The following DPP10 variants were observed in gnomAD, a reference collection of about 807,000 sequenced individuals.
DPP10 encodes dipeptidyl peptidase like 10, also known as inactive dipeptidyl peptidase 10.
In DPP10, 33 loss-of-function variants were observed where a neutral mutation model predicts 120.9. That is an observed-to-expected ratio of 0.27 (90% CI 0.21 to 0.37). The LOEUF (loss-of-function observed/expected upper bound fraction) is 0.37. DPP10 is among the 10% of genes least tolerant of loss of function. The pLI, the probability that DPP10 is intolerant of heterozygous loss-of-function variation, is 1.00. For synonymous variants in DPP10, 337 were observed against 326.1 expected (o/e 1.03, Z -0.36); for missense variants, 816 against 942.8 (o/e 0.87, Z 1.76).
rs562274519 is a variant in DPP10, at chr2:114,800,992, G to A, written c.60+358154G>A. On this transcript the variant is annotated intron_variant, in intron 1 of 25. Transcript: ENST00000410059. ...AGGTACAGAAGAATGGGCCGGGCAC[G>A]GTGGCTCACGCCTGTAATCCCAGCA... is the stretch of plus-strand genomic sequence containing the variant. Among the ~76,000 whole-genome samples the A allele has an allele frequency of 7.9e-5, 12 of 151,810 alleles. No individual in the cohort carries two copies. The South Asian group carries it at 8.3e-4, about 11-fold the overall frequency.
At chr2:115,334,230 G>GTTTTTTTCTTTTTTTTTTTTTTTTTTT (rs2062969707) in intron 2 of DPP10, among the ~76,000 whole-genome samples, 1 of 56,412 alleles carries the variant, frequency 1.8e-5, no homozygotes, top group Non-Finnish European at 4.0e-5. Context: ...AGCAGACTCT[G>GTTTTTTTCTTTTTTTTTTTTTTTTTTT]TTTTTTTTTT....
chr2:114,639,805 A>T (rs1317702184), intron 1 of DPP10, among the ~76,000 whole-genome samples: 1 of 151,908 alleles, frequency 6.6e-6, no homozygotes, highest in East Asian at 1.9e-4. Flanking sequence ...CTTAACATAG[A>T]TTGTTTTCTT....
intron 1 of DPP10, among the ~76,000 whole-genome samples, chr2:114,603,435 C>T (rs1012012509): frequency 3.3e-5 from 5 of 151,992 alleles, no homozygotes; most frequent in Non-Finnish European, 5.9e-5. Context: ...TAAACCATAA[C>T]GTCGGGATTA....
At chr2:115,294,007 C>T (rs1276749884) in intron 1 of DPP10, among the ~76,000 whole-genome samples, 1 of 152,112 alleles carries the variant, frequency 6.6e-6, no homozygotes, top group African/African-American at 2.4e-5. Context: ...AAGGAATCCA[C>T]TCAGTCTGTT....
intron 1 of DPP10, among the ~76,000 whole-genome samples, chr2:115,032,854 C>T (rs1237907119): frequency 6.8e-6 from 1 of 147,888 alleles, no homozygotes; most frequent in Non-Finnish European, 1.5e-5. Flanking sequence ...CATTGTACTC[C>T]AGCCTGGGAG....
At position 115,309,229 on chromosome 2, in the gene DPP10, A is replaced by G. The variant is rs137990894; in HGVS notation, c.61-10A>G. On this transcript the variant is annotated splice_polypyrimidine_tract_variant and intron_variant, in intron 1 of 25. Coordinates refer to ENST00000410059, the MANE Select transcript of DPP10 (RefSeq NM_020868.6). ...GAATAATTACAAAACTTTTTTTTCTATCTCGGTAGGAACTGGGAAGTAACA... is the reference window on the plus strand; with the variant it reads ...GAATAATTACAAAACTTTTTTTTCTGTCTCGGTAGGAACTGGGAAGTAACA... 1.3e-4 allele frequency: 216 copies of G among 1,606,068 alleles called. 1 individual carries two copies. In the East Asian group the frequency reaches 4.3e-3, roughly 32 times the overall value.
At chr2:114,640,379 C>G (rs1046689083) in intron 1 of DPP10, among the ~76,000 whole-genome samples, 6 of 151,930 alleles carry the variant, frequency 3.9e-5, no homozygotes, top group Non-Finnish European at 8.8e-5. Flanking sequence ...CTTCCTTGCC[C>G]ATTTTATTAG....
chr2:114,640,575 C>A (rs1695633006), intron 1 of DPP10, among the ~76,000 whole-genome samples: 1 of 151,770 alleles, frequency 6.6e-6, no homozygotes, highest in Non-Finnish European at 1.5e-5. Context: ...GCTCTAGCGG[C>A]CATCAGATTG....
At chr2:115,802,321 T>C (rs1479623309) in intron 19 of DPP10, among the ~76,000 whole-genome samples, 11 of 152,242 alleles carry the variant, frequency 7.2e-5, no homozygotes, top group Admixed American at 5.9e-4. Context: ...GATTCTTCTC[T>C]CTTTTCTTCA....
At chr2:114,753,927 A>G (rs1208204962) in intron 1 of DPP10, among the ~76,000 whole-genome samples, 1 of 151,238 alleles carries the variant, frequency 6.6e-6, no homozygotes, top group Non-Finnish European at 1.5e-5. Context: ...AAAAAAAAAA[A>G]AAAAAGAAAA....
chr2:114,848,977 G>A lies in DPP10; in HGVS notation c.60+406139G>A, dbSNP rs117453561. ...GCACATTCTTACTGTGTCCTCACAT[G>A]ATGGGAAGTACTATCTGGGGCCTCT... On this transcript the variant is annotated intron_variant, in intron 1 of 25. Coordinates refer to ENST00000410059, the MANE Select transcript of DPP10 (RefSeq NM_020868.6). Among the ~76,000 whole-genome samples, 121 of 152,272 alleles carry A rather than the reference G, an allele frequency of 7.9e-4. No homozygotes were observed. In the East Asian group the frequency reaches 0.022, roughly 27 times the overall value.
intron 1 of DPP10, among the ~76,000 whole-genome samples, chr2:114,532,296 T>TATATATATACACAC (rs1342125338): frequency 7.0e-4 from 52 of 74,704 alleles, no homozygotes; most frequent in Non-Finnish European, 1.2e-3. Flanking sequence ...TATATATATA[T>TATATATATACACAC]ACACACACAC....
chr2:115,478,167 A>G (rs975157152), intron 3 of DPP10, among the ~76,000 whole-genome samples: 1 of 152,126 alleles, frequency 6.6e-6, no homozygotes, highest in Non-Finnish European at 1.5e-5. Flanking sequence ...TGAGATTGGG[A>G]GGGGAGAAAC....
chr2:115,349,247 C>T (rs894177825), intron 3 of DPP10, among the ~76,000 whole-genome samples: 1 of 152,002 alleles, frequency 6.6e-6, no homozygotes, highest in African/African-American at 2.4e-5. Flanking sequence ...GATATTTTAA[C>T]CTGCTGTCTT....
At chr2:115,800,421 C>T (rs890044401) in intron 19 of DPP10, among the ~76,000 whole-genome samples, 1 of 152,006 alleles carries the variant, frequency 6.6e-6, no homozygotes, top group Non-Finnish European at 1.5e-5. Context: ...TTTTGCTGTG[C>T]AGAAACTCTT....
chr2:114,706,017 T>C (rs1700665320), intron 1 of DPP10, among the ~76,000 whole-genome samples: 1 of 152,136 alleles, frequency 6.6e-6, no homozygotes, highest in African/African-American at 2.4e-5. Flanking sequence ...GTTTAGTAGG[T>C]TTATGGAGTT....
At chr2:114,458,848 T>A (rs776768160) in intron 1 of DPP10, among the ~76,000 whole-genome samples, 1 of 152,196 alleles carries the variant, frequency 6.6e-6, no homozygotes, top group Admixed American at 6.5e-5. Flanking sequence ...GTCAATACAA[T>A]GTTGAAGGTC....
At chr2:114,764,404 T>A (rs568069348) in intron 1 of DPP10, among the ~76,000 whole-genome samples, 1 of 151,596 alleles carries the variant, frequency 6.6e-6, no homozygotes, top group East Asian at 1.9e-4. Flanking sequence ...GATTTATCCA[T>A]ACAATTAAAA....
In DPP10 at chr2:115,257,910, G is replaced by GT. The variant is rs1046551315; in HGVS notation, c.61-51322dup. On this transcript the variant is annotated intron_variant, in intron 1 of 25. Transcript: ENST00000410059. ...AAAGTTATAAAGAGTCCTAGAAGGGGTTTTTTTGTTAAGAGAAGGATTCAA... is the reference window on the plus strand; with the variant it reads ...AAAGTTATAAAGAGTCCTAGAAGGGGTTTTTTTTGTTAAGAGAAGGATTCAA... Among the ~76,000 whole-genome samples the GT allele has an allele frequency of 3.4e-4, 51 of 152,218 alleles. 1 individual carries two copies. The highest frequency in any genetic ancestry group is 6.2e-4 in the Non-Finnish European group (42 of 68,012).
Sources: allele counts gnomAD v4.1 joint callset (sites outside exome capture counted in the v4.1 genomes callset), GRCh38; gene constraint gnomAD v4.1.1; transcripts MANE v1.5; gene names NCBI Gene and HGNC (gene_info 2026-07-23, HGNC 2026-07-21).